RORB: variants seen among roughly 807,000 people sequenced by gnomAD.
RORB encodes the protein nuclear receptor ROR-beta.
A neutral mutation model predicts 59.1 loss-of-function variants in RORB; 6 were observed. The ratio of observed to expected loss-of-function variants is 0.10; its 90% confidence interval spans 0.06 to 0.20. The LOEUF (loss-of-function observed/expected upper bound fraction) is 0.20. Ranked by LOEUF, RORB falls within the 10% of genes least tolerant of loss-of-function variation. RORB has a pLI of 1.00. For synonymous variants in RORB, 215 were observed against 204.5 expected, an observed-to-expected ratio of 1.05 and a Z score of -0.44; for missense variants, 320 against 560.5, an observed-to-expected ratio of 0.57 and a Z score of 4.33.
At chr9:74,572,743 T>C (rs1261442213) in intron 1 of RORB, among the ~76,000 whole-genome samples, 1 of 152,190 alleles carries the variant, frequency 6.6e-6, no homozygotes, top group African/African-American at 2.4e-5. Context: ...AATCCCTGTT[T>C]TCCTCAGTAG....
intron 1 of RORB, among the ~76,000 whole-genome samples, chr9:74,566,515 G>A (rs578137321): frequency 2.0e-5 from 3 of 152,064 alleles, no homozygotes; most frequent in East Asian, 1.9e-4. Context: ...AAGCCCTTCC[G>A]GCCGGGCACA....
At chr9:74,614,025 C>T (rs951823634) in intron 1 of RORB, among the ~76,000 whole-genome samples, 1 of 152,112 alleles carries the variant, frequency 6.6e-6, no homozygotes, top group East Asian at 1.9e-4. Context: ...GTGAATAAAG[C>T]TGTGATGAAC....
chr9:74,562,988 A>T (rs1489696216), intron 1 of RORB, among the ~76,000 whole-genome samples: 3 of 152,208 alleles, frequency 2.0e-5, no homozygotes, highest in African/African-American at 7.2e-5. Context: ...TTAAAATAAA[A>T]ACATTATCTC....
intron 1 of RORB, among the ~76,000 whole-genome samples, chr9:74,609,096 T>C (rs1823192626): frequency 6.6e-6 from 1 of 152,234 alleles, no homozygotes; most frequent in South Asian, 2.1e-4. Flanking sequence ...CTTTCATCTA[T>C]AATTTTAACG....
In RORB at chr9:74,687,507, T is replaced by C. The variant is rs750024944; in HGVS notation, c.*1889T>C. 9.2e-5 allele frequency: 14 copies of C among 152,204 alleles called. No homozygotes were observed. The highest frequency in any genetic ancestry group is 1.2e-4 in the African/African-American group (5 of 41,464). The allele number at this position is 152,204 out of a possible 1,614,324, so 9.4% of individuals were successfully genotyped here. On this transcript the variant is annotated 3_prime_UTR_variant, in exon 10 of 10. Coordinates refer to ENST00000376896, the MANE Select transcript of RORB (RefSeq NM_006914.4). ...GAAAACGGAACATTTTCTCACCTCATGATTGATGAATTCTAAACCAATGGG... is the reference window on the plus strand; with the variant it reads ...GAAAACGGAACATTTTCTCACCTCACGATTGATGAATTCTAAACCAATGGG...
intron 1 of RORB, among the ~76,000 whole-genome samples, chr9:74,503,714 C>G (rs1171944980): frequency 6.6e-6 from 1 of 151,902 alleles, no homozygotes; most frequent in East Asian, 1.9e-4. Flanking sequence ...AGGTTTATGC[C>G]ATGAATTTGA....
intron 1 of RORB, among the ~76,000 whole-genome samples, chr9:74,540,000 G>T (rs983456982): frequency 6.6e-6 from 1 of 151,902 alleles, no homozygotes; most frequent in Non-Finnish European, 1.5e-5. Flanking sequence ...ACTTTTATTT[G>T]AATGAAAAGA....
At chr9:74,664,830 A>G (rs932265356) in intron 6 of RORB, among the ~76,000 whole-genome samples, 3 of 152,244 alleles carry the variant, frequency 2.0e-5, no homozygotes, top group African/African-American at 4.8e-5. Context: ...GTTAACTTCA[A>G]CTGCACTATG....
chr9:74,613,376 A>T (rs1823262811), intron 1 of RORB, among the ~76,000 whole-genome samples: 2 of 152,218 alleles, frequency 1.3e-5, no homozygotes, highest in Admixed American at 1.3e-4. Context: ...ATCTAATCAT[A>T]ACAAATACCT....
chr9:74,520,134 A>AAAAAG (rs1040331295), intron 1 of RORB, among the ~76,000 whole-genome samples: 1 of 151,978 alleles, frequency 6.6e-6, no homozygotes, highest in Admixed American at 6.6e-5. Context: ...AATGCTGTAC[A>AAAAAG]AAAAGAAAAG....
At chr9:74,515,061 T>C (rs1825989467) in intron 1 of RORB, among the ~76,000 whole-genome samples, 1 of 149,250 alleles carries the variant, frequency 6.7e-6, no homozygotes, top group Admixed American at 6.8e-5. Context: ...ACCTGGCCAA[T>C]TAATAAATCA....
intron 4 of RORB, among the ~76,000 whole-genome samples, chr9:74,659,450 C>T (rs1480227170): frequency 6.6e-6 from 1 of 152,194 alleles, no homozygotes; most frequent in African/African-American, 2.4e-5. Flanking sequence ...CACCTCCTAG[C>T]TCTAGCCACC....
chr9:74,610,337 A>T, intron 1 of RORB, among the ~76,000 whole-genome samples: 1 of 152,238 alleles, frequency 6.6e-6, no homozygotes, highest in South Asian at 2.1e-4. Context: ...TTTGAGAAAC[A>T]TGTAGAGAAA....
intron 1 of RORB, among the ~76,000 whole-genome samples, chr9:74,515,433 G>T (rs1246042289): frequency 6.6e-6 from 1 of 151,894 alleles, no homozygotes; most frequent in African/African-American, 2.4e-5. Context: ...TATACCCATT[G>T]TGTTTTTTAC....
chr9:74,530,225 A>T (rs953207869), intron 1 of RORB, among the ~76,000 whole-genome samples: 1 of 152,028 alleles, frequency 6.6e-6, no homozygotes, highest in African/African-American at 2.4e-5. Context: ...AGAAAACATG[A>T]TTCTATTCAT....
Position 74,691,249 on chromosome 9 carries a change from C to G in RORB, c.*5631C>G, listed in dbSNP as rs890275368. The stretch of plus-strand genomic sequence containing the variant: ...GCCAAAAATAAAGCACAAGGGTTAC[C>G]GGAATTGAATGAGCCCTGTTCAGGG... On this transcript the variant is annotated 3_prime_UTR_variant, in exon 10 of 10. Coordinates refer to ENST00000376896, the MANE Select transcript of RORB (RefSeq NM_006914.4). 1 of 152,170 alleles carries G rather than the reference C, an allele frequency of 6.6e-6. No homozygotes were observed. Among genetic ancestry groups the G allele is most frequent in the Non-Finnish European group, 1.5e-5 (1 of 68,048 alleles). 9.4% of individuals were successfully genotyped at this position (152,170 alleles called of 1,614,324 possible).
chr9:74,588,894 A>T (rs1587372590), intron 1 of RORB, among the ~76,000 whole-genome samples: 1 of 151,790 alleles, frequency 6.6e-6, no homozygotes, highest in African/African-American at 2.4e-5. Flanking sequence ...TTCTTATTTC[A>T]TTCTGTTTTC....
intron 1 of RORB, among the ~76,000 whole-genome samples, chr9:74,627,947 T>C (rs1257390437): frequency 6.6e-6 from 1 of 152,172 alleles, no homozygotes; most frequent in Non-Finnish European, 1.5e-5. Context: ...ATGATTGATG[T>C]GATGATGATG....
intron 1 of RORB, among the ~76,000 whole-genome samples, chr9:74,534,677 A>G (rs1826294898): frequency 6.6e-6 from 1 of 151,954 alleles, no homozygotes; most frequent in South Asian, 2.1e-4. Context: ...GTGCCACCAT[A>G]TATAAATTCT....
Sources: gnomAD v4.1 joint callset for allele counts (sites outside exome capture counted in the v4.1 genomes callset) on GRCh38, gnomAD v4.1.1 for gene constraint, MANE v1.5 for transcripts, NCBI Gene and HGNC (gene_info 2026-07-23, HGNC 2026-07-21) for gene names.